Variants in SCRG1 observed in about 807,000 individuals in gnomAD.
SCRG1 encodes the protein stimulator of chondrogenesis 1, also known as scrapie-responsive protein 1.
SCRG1 carries 3 observed loss-of-function variants against 7.7 expected under a neutral mutation model. That is an observed-to-expected ratio of 0.39 (90% confidence interval 0.18 to 1.01). The LOEUF (loss-of-function observed/expected upper bound fraction) is 1.01, where lower values mean the gene tolerates loss of function less well. Among genes scored for constraint, SCRG1 ranks in the 50% least tolerant of loss-of-function variants. The probability of loss-of-function intolerance (pLI) is 0.36; values close to 1 mark genes in which losing one functional copy is unlikely to be tolerated. For synonymous variants in SCRG1, 46 were observed against 41.2 expected (o/e 1.12, Z -0.44); for missense variants, 110 against 117.2 (o/e 0.94, Z 0.28).
chr4:173,450,225 C>T, the SCRG1 span, among the ~76,000 whole-genome samples: 1 of 152,126 alleles, frequency 6.6e-6, no homozygotes, highest in Non-Finnish European at 1.5e-5. Flanking sequence ...AGAACTTGCT[C>T]ACTATCATGA....
At chr4:173,390,769 G>A (rs547375550) in intron 2 of SCRG1, among the ~76,000 whole-genome samples, 17 of 152,258 alleles carry the variant, frequency 1.1e-4, no homozygotes, top group Admixed American at 9.2e-4. Context: ...GATTACAGGC[G>A]TGAGCCACCG....
the SCRG1 span, among the ~76,000 whole-genome samples, chr4:173,415,158 A>G: frequency 6.6e-6 from 1 of 152,238 alleles, no homozygotes; most frequent in Admixed American, 6.5e-5. Flanking sequence ...ATAGTCTCTC[A>G]AAATAGTCAT....
At chr4:173,474,381 A>G in the SCRG1 span, among the ~76,000 whole-genome samples, 3 of 152,206 alleles carry the variant, frequency 2.0e-5, no homozygotes, top group African/African-American at 7.2e-5. Context: ...TCAGGAATTG[A>G]ACCACTCTGT....
the SCRG1 span, among the ~76,000 whole-genome samples, chr4:173,495,573 ACT>A: frequency 6.6e-6 from 1 of 152,174 alleles, no homozygotes; most frequent in Non-Finnish European, 1.5e-5. Context: ...GTACATTGCT[ACT>A]CTGTTTACAA....
Position 173,394,580 on chromosome 4 carries a change from A to G in SCRG1, c.-14-3152T>C, listed in dbSNP as rs533327838. Among the ~76,000 whole-genome samples the G allele has an allele frequency of 2.0e-5, 3 of 152,130 alleles. No individual in the cohort carries two copies. The South Asian group carries it at 6.2e-4, about 32-fold the overall frequency. ...AATCACTTGAACCCAGGAGGCAGAGATTGTAGTGAGCCGAGATCTGTGCCA... is the reference window on the plus strand; with the variant it reads ...AATCACTTGAACCCAGGAGGCAGAGGTTGTAGTGAGCCGAGATCTGTGCCA... On this transcript the variant is annotated intron_variant, in intron 1 of 2. Transcript: ENST00000296506.
the SCRG1 span, among the ~76,000 whole-genome samples, chr4:173,489,964 T>C: frequency 4.6e-5 from 7 of 152,288 alleles, no homozygotes; most frequent in Admixed American, 1.3e-4. Flanking sequence ...ATAAATGCAT[T>C]TGGGTTCTAA....
the SCRG1 span, among the ~76,000 whole-genome samples, chr4:173,429,637 G>A: frequency 1.3e-5 from 2 of 152,152 alleles, no homozygotes; most frequent in African/African-American, 4.8e-5. Context: ...TGAGCAGAAG[G>A]AGGAGCTGCT....
At chr4:173,449,051 TAACA>T in the SCRG1 span, among the ~76,000 whole-genome samples, 1 of 152,334 alleles carries the variant, frequency 6.6e-6, no homozygotes, top group Non-Finnish European at 1.5e-5. Context: ...GTGGAGAGGC[TAACA>T]GAGTGAGAGG....
chr4:173,405,759 G>C (rs1164101747), intron 1 of SCRG1, among the ~76,000 whole-genome samples: 1 of 152,084 alleles, frequency 6.6e-6, no homozygotes, highest in Admixed American at 6.6e-5. Context: ...TCAAGGTCGT[G>C]GTTTTTGGTT....
chr4:173,477,164 A>G, the SCRG1 span, among the ~76,000 whole-genome samples: 1 of 152,152 alleles, frequency 6.6e-6, no homozygotes, highest in Non-Finnish European at 1.5e-5. Context: ...CAACAAGAGG[A>G]ATGAAAATTG....
At chr4:173,426,144 C>A in the SCRG1 span, among the ~76,000 whole-genome samples, 1 of 152,296 alleles carries the variant, frequency 6.6e-6, no homozygotes, top group Non-Finnish European at 1.5e-5. Context: ...TAATACAAAT[C>A]ATTTATGTTT....
the SCRG1 span, among the ~76,000 whole-genome samples, chr4:173,517,279 G>A: frequency 6.6e-6 from 1 of 152,234 alleles, no homozygotes; most frequent in African/African-American, 2.4e-5. Flanking sequence ...CCGTGCACAG[G>A]AACCTTTTAC....
the SCRG1 span, among the ~76,000 whole-genome samples, chr4:173,513,816 C>T: frequency 6.6e-6 from 1 of 152,160 alleles, no homozygotes; most frequent in Non-Finnish European, 1.5e-5. Context: ...CTTTTCTACT[C>T]ATTAGGAAGC....
chr4:173,462,126 A>G, the SCRG1 span, among the ~76,000 whole-genome samples: 90,201 of 151,980 alleles, frequency 0.59, 29,354 homozygotes, highest in Non-Finnish European at 0.74. Flanking sequence ...GAAAGAGATG[A>G]GGTAGAAAGT....
the SCRG1 span, among the ~76,000 whole-genome samples, chr4:173,508,964 A>G: frequency 6.6e-6 from 1 of 152,212 alleles, no homozygotes; most frequent in Non-Finnish European, 1.5e-5. The surrounding 1 kb of genome is among the most constrained non-coding windows in gnomAD (Gnocchi z 4.4). Flanking sequence ...CGAGATAGCC[A>G]GCTTCCCTGT....
the SCRG1 span, among the ~76,000 whole-genome samples, chr4:173,483,018 A>C: frequency 8.0e-6 from 1 of 124,986 alleles, no homozygotes; most frequent in Non-Finnish European, 1.6e-5. Flanking sequence ...ATATTATATA[A>C]TTTATATGTA....
chr4:173,462,401 G>A, the SCRG1 span, among the ~76,000 whole-genome samples: 2 of 152,132 alleles, frequency 1.3e-5, no homozygotes, highest in African/African-American at 4.8e-5. Context: ...AGAGCAGCAT[G>A]GCATATTTAA....
the SCRG1 span, among the ~76,000 whole-genome samples, chr4:173,449,030 G>A: frequency 1.1e-4 from 17 of 152,362 alleles, no homozygotes; most frequent in Non-Finnish European, 2.5e-4. Flanking sequence ...GAATCACAGA[G>A]ACAGGCTGAA....
chr4:173,511,449 T>G, the SCRG1 span, among the ~76,000 whole-genome samples: 1 of 152,184 alleles, frequency 6.6e-6, no homozygotes, highest in Non-Finnish European at 1.5e-5. The surrounding 1 kb of genome is among the most constrained non-coding windows in gnomAD (Gnocchi z 5.2). Context: ...TTGTTTTGTT[T>G]TTTTTCTGCA....
Sources: allele counts gnomAD v4.1 joint callset (sites outside exome capture counted in the v4.1 genomes callset), GRCh38; gene constraint gnomAD v4.1.1; non-coding constraint Gnocchi (gnomAD v3.1); transcripts MANE v1.5; gene names NCBI Gene and HGNC (gene_info 2026-07-23, HGNC 2026-07-21).